Variants in SRRM4 observed in about 807,000 individuals in gnomAD.
SRRM4 encodes serine/arginine repetitive matrix 4.
In SRRM4, 33 loss-of-function variants were observed where a neutral mutation model predicts 68.9. That is an observed-to-expected ratio of 0.48 (90% CI 0.36 to 0.64). The LOEUF (loss-of-function observed/expected upper bound fraction) is 0.64, where lower values mean the gene tolerates loss of function less well. SRRM4 is among the 30% of genes least tolerant of loss of function. SRRM4 has a pLI of 0.00. For missense variants in SRRM4, 817 were observed against 827.1 expected (o/e 0.99, Z 0.15); for synonymous variants, 318 against 318.8 (o/e 1.00, Z 0.03).
intron 1 of SRRM4, among the ~76,000 whole-genome samples, chr12:119,087,630 C>A (rs558353788): frequency 1.8e-4 from 27 of 152,200 alleles, no homozygotes; most frequent in Non-Finnish European, 3.4e-4. Flanking sequence ...CTGAGTGTCT[C>A]AGTCTATAGA....
intron 1 of SRRM4, among the ~76,000 whole-genome samples, chr12:119,004,017 A>G (rs1953401183): frequency 6.6e-6 from 1 of 152,050 alleles, no homozygotes; most frequent in African/African-American, 2.4e-5. Flanking sequence ...AATAAAAATT[A>G]TGTTCTAGTC....
At chr12:119,010,667 C>G (rs566900865) in intron 1 of SRRM4, among the ~76,000 whole-genome samples, 1 of 152,298 alleles carries the variant, frequency 6.6e-6, no homozygotes, top group East Asian at 1.9e-4. Flanking sequence ...TTTAAAAAAT[C>G]TGCCTACTCC....
intron 8 of SRRM4, among the ~76,000 whole-genome samples, chr12:119,131,714 C>T (rs539712703): frequency 6.6e-6 from 1 of 152,320 alleles, no homozygotes; most frequent in East Asian, 1.9e-4. Flanking sequence ...GTAAATACCA[C>T]TTCCGTATGG....
intron 1 of SRRM4, among the ~76,000 whole-genome samples, chr12:119,096,743 GT>G (rs1243029678): frequency 6.6e-6 from 1 of 152,218 alleles, no homozygotes; most frequent in African/African-American, 2.4e-5. Flanking sequence ...CCCAAACAGT[GT>G]TTAACTCAAT....
intron 1 of SRRM4, among the ~76,000 whole-genome samples, chr12:119,062,808 G>A (rs1479222176): frequency 6.6e-6 from 1 of 152,152 alleles, no homozygotes; most frequent in African/African-American, 2.4e-5. Flanking sequence ...AGCCATGCCT[G>A]GATTTGAATC....
intron 1 of SRRM4, among the ~76,000 whole-genome samples, chr12:119,034,361 C>T (rs766411174): frequency 6.6e-6 from 1 of 152,192 alleles, no homozygotes; most frequent in Non-Finnish European, 1.5e-5. Context: ...GAAGGACTCT[C>T]AGTGGCTGGG....
Position 119,159,661 on chromosome 12 carries a change from C to G in SRRM4, c.*2863C>G, listed in dbSNP as rs1178555781. The G allele has an allele frequency of 6.6e-6, 1 of 152,174 alleles. No individual in the cohort carries two copies. The highest frequency in any genetic ancestry group is 1.5e-5 in the Non-Finnish European group (1 of 68,042). 9.4% of individuals were successfully genotyped at this position (152,174 alleles called of 1,614,324 possible). A position where few individuals can be genotyped will look rare whatever the true frequency, so the allele number is the denominator to read the frequency against. ...CACTCCAAGGCACATAGCAGGATCACTCCCTAGCTTCTCTGAGCACACCTA... is the reference window on the plus strand; with the variant it reads ...CACTCCAAGGCACATAGCAGGATCAGTCCCTAGCTTCTCTGAGCACACCTA... On this transcript the variant is annotated 3_prime_UTR_variant, in exon 13 of 13. Coordinates refer to ENST00000267260, the MANE Select transcript of SRRM4 (RefSeq NM_194286.4).
intron 1 of SRRM4, among the ~76,000 whole-genome samples, chr12:118,984,988 G>C (rs1292766930): frequency 6.6e-6 from 1 of 152,186 alleles, no homozygotes; most frequent in Non-Finnish European, 1.5e-5. Flanking sequence ...TAAGGATTTA[G>C]TTAGGTAAAG....
At position 119,151,133 on chromosome 12, in the gene SRRM4, C is replaced by T. The variant is rs976776462; in HGVS notation, c.1193C>T (p.Thr398Ile). Residue 398 changes from threonine to isoleucine, a missense_variant, in exon 10 of 13, where the codon ACC becomes ATC. Thr to Ile is a moderately conservative substitution (Grantham distance 89, BLOSUM62 -1). Transcript: ENST00000267260. ...GCSRSSSYAS[T>I]RSSSHSSRSP... ...TCCCGCAGCTCCTCCTATGCCAGCA[C>T]CCGATCCTCCAGTCACTCGTCCCGA... 1.1e-5 allele frequency: 18 copies of T among 1,613,982 alleles called. No individual in the cohort carries two copies. Among genetic ancestry groups the T allele is most frequent in the Non-Finnish European group, 1.5e-5 (18 of 1,179,864 alleles).
rs114228185 is a variant in SRRM4 at position 119,119,849 on chromosome 12, C to T, written c.438-401C>T. Among the ~76,000 whole-genome samples the T allele has an allele frequency of 4.2e-3, 635 of 152,128 alleles. 9 individuals carry two copies. Among genetic ancestry groups the T allele is most frequent in the African/African-American group, 0.014 (589 of 41,522 alleles). ...AAAGGCAGAAGACTCTCTCTACGTTCTCCTTATCCAGCCTCATCCAGGACA... is the reference window on the plus strand; with the variant it reads ...AAAGGCAGAAGACTCTCTCTACGTTTTCCTTATCCAGCCTCATCCAGGACA... On this transcript the variant is annotated intron_variant, in intron 4 of 12. Coordinates refer to ENST00000267260, the MANE Select transcript of SRRM4 (RefSeq NM_194286.4).
At chr12:119,003,636 G>A (rs1174828827) in intron 1 of SRRM4, among the ~76,000 whole-genome samples, 1 of 151,876 alleles carries the variant, frequency 6.6e-6, no homozygotes, top group East Asian at 2.0e-4. Flanking sequence ...AGCTTCATAA[G>A]GAAACCCTCC....
chr12:118,985,979 T>G (rs1016561526), intron 1 of SRRM4, among the ~76,000 whole-genome samples: 7 of 152,234 alleles, frequency 4.6e-5, no homozygotes, highest in African/African-American at 1.7e-4. Flanking sequence ...TTTAGCAAGC[T>G]ATTAATTTTC....
At chr12:119,135,097 T>C (rs1458052564) in intron 8 of SRRM4, among the ~76,000 whole-genome samples, 1 of 152,060 alleles carries the variant, frequency 6.6e-6, no homozygotes, top group East Asian at 1.9e-4. Context: ...GTAACAAAAT[T>C]GGGAGAAAGG....
chr12:119,122,977 T>G (rs1954232295), intron 6 of SRRM4, among the ~76,000 whole-genome samples: 1 of 152,204 alleles, frequency 6.6e-6, no homozygotes, highest in Non-Finnish European at 1.5e-5. Flanking sequence ...CCTGTGGAGT[T>G]CAGTTCCCAG....
At chr12:119,128,863 C>T (rs1954276608) in intron 7 of SRRM4, among the ~76,000 whole-genome samples, 1 of 152,232 alleles carries the variant, frequency 6.6e-6, no homozygotes, top group Non-Finnish European at 1.5e-5. Context: ...AACACTACCC[C>T]GGGCCTCCTC....
intron 2 of SRRM4, among the ~76,000 whole-genome samples, chr12:119,103,001 G>T (rs1436029192): frequency 6.6e-6 from 1 of 152,098 alleles, no homozygotes; most frequent in African/African-American, 2.4e-5. Flanking sequence ...CCACTAAGTG[G>T]CAGAGTGAAG....
chr12:119,130,118 T>C (rs1449296360), intron 7 of SRRM4, among the ~76,000 whole-genome samples: 4 of 147,134 alleles, frequency 2.7e-5, no homozygotes, highest in Non-Finnish European at 5.9e-5. Context: ...AATAGTTAGA[T>C]GGATGGATGG....
intron 1 of SRRM4, among the ~76,000 whole-genome samples, chr12:118,992,556 C>T (rs1953323804): frequency 6.6e-6 from 1 of 152,184 alleles, no homozygotes; most frequent in Non-Finnish European, 1.5e-5. Context: ...GATTCTGGGA[C>T]CCAACCCACA....
At chr12:119,057,678 C>T (rs193293985) in intron 1 of SRRM4, among the ~76,000 whole-genome samples, 69 of 152,208 alleles carry the variant, frequency 4.5e-4, no homozygotes, top group African/African-American at 1.6e-3. Context: ...ATCTTTATAA[C>T]AGAATGATTT....
Sources: allele counts gnomAD v4.1 joint callset (sites outside exome capture counted in the v4.1 genomes callset), GRCh38; gene constraint gnomAD v4.1.1; transcripts MANE v1.5; gene names NCBI Gene and HGNC (gene_info 2026-07-23, HGNC 2026-07-21).